ZNF586: variants seen among roughly 807,000 people sequenced by gnomAD.
ZNF586 encodes zinc finger protein 586.
In ZNF586, 7 loss-of-function variants were observed where a neutral mutation model predicts 6.7. That is an observed-to-expected ratio of 1.04 (90% CI 0.59 to 1.95). The LOEUF (loss-of-function observed/expected upper bound fraction) is 1.95. ZNF586 is among the 30% of genes most tolerant of loss of function. The pLI is 0.00. For missense variants in ZNF586, 442 were observed against 489.6 expected (o/e 0.90, Z 0.92); for synonymous variants, 166 against 168.7 (o/e 0.98, Z 0.12).
intron 2 of ZNF586, among the ~76,000 whole-genome samples, chr19:57,778,363 C>T (rs1048796115): frequency 1.3e-5 from 2 of 152,134 alleles, no homozygotes; most frequent in Non-Finnish European, 2.9e-5. Context: ...GCATGAGCCA[C>T]GGTTCTCGGC....
chr19:57,769,990 G>A (rs1204414449), intron 1 of ZNF586, 112 bp downstream of exon 1: 38 of 1,049,302 alleles, frequency 3.6e-5, no homozygotes, highest in South Asian at 5.4e-5. Flanking sequence ...TGTCAGGGAC[G>A]GAGAGGCGCC....
Position 57,776,553 on chromosome 19 carries a change from C to G in ZNF586, c.47C>G (p.Thr16Ser). 6.2e-7 allele frequency: 1 copy of G among 1,612,782 alleles called. No homozygotes were observed. Among genetic ancestry groups the G allele is most frequent in the Non-Finnish European group, 8.5e-7 (1 of 1,179,336 alleles). Residue 16 changes from threonine to serine, a missense_variant, in exon 2 of 3, where the codon ACC becomes AGC. Transcript: ENST00000396154. ...TCCCCATCATAACAGAGCAGTGTGACCTTTGAAGATGTGGCTGTAAACTTT... is the reference window on the plus strand; with the variant it reads ...TCCCCATCATAACAGAGCAGTGTGAGCTTTGAAGATGTGGCTGTAAACTTT... The part of the protein sequence containing the change: ...ALRAPAQSSV[T>S]FEDVAVNFSL...
intron 1 of ZNF586, 35 bp from the exon 2 acceptor site, chr19:57,776,508 G>A: frequency 6.3e-6 from 10 of 1,596,978 alleles, no homozygotes; most frequent in Non-Finnish European, 8.5e-6. Context: ...CAGCATAGGG[G>A]CCATTTGTGG....
In ZNF586 at chr19:57,779,214, TG is replaced by T. The variant is rs1445205057; in HGVS notation, c.628del (p.Glu210AsnfsTer44). 4 of 1,613,838 alleles carry T rather than the reference TG, an allele frequency of 2.5e-6. No homozygotes were observed. The African/African-American group carries it at 5.3e-5, about 22-fold the overall frequency. On this transcript the variant is annotated frameshift_variant, in exon 3 of 3. Coordinates refer to ENST00000396154, the MANE Select transcript of ZNF586 (RefSeq NM_017652.4). LOFTEE classifies it low-confidence loss of function (END_TRUNC). ...HSGAKRYECN[E>X]CGKSFAYTSS... ...CTGGAGCAAAGCGTTATGAATGCAA[TG>T]AATGTGGGAAGTCCTTTGCTTATAC...
In ZNF586 at chr19:57,774,833, C is replaced by T. The variant is rs1987187816; in HGVS notation, c.37-1710C>T. On this transcript the variant is annotated intron_variant, in intron 1 of 2. Transcript: ENST00000396154. The stretch of plus-strand genomic sequence containing the variant: ...AAGTTAAGGTCAGTATCATGTGCTA[C>T]CTTCATGTCTGGTGATACCAGTACT... The T allele has an allele frequency of 7.3e-6, 6 of 824,016 alleles. No individual in the cohort carries two copies. In the South Asian group the frequency reaches 2.2e-4, roughly 30 times the overall value. The allele number at this position is 824,016 out of a possible 1,614,324, so 51.0% of individuals were successfully genotyped here.
intron 1 of ZNF586, among the ~76,000 whole-genome samples, 161 bp downstream of exon 1, chr19:57,770,039 G>T (rs538751319): frequency 6.6e-6 from 1 of 152,202 alleles, no homozygotes; most frequent in Non-Finnish European, 1.5e-5. Flanking sequence ...CAGTTGATGC[G>T]GTCGGCAGAG....
chr19:57,778,364 G>A (rs1477011569), intron 2 of ZNF586, among the ~76,000 whole-genome samples: 1 of 152,074 alleles, frequency 6.6e-6, no homozygotes, highest in Non-Finnish European at 1.5e-5. Flanking sequence ...CATGAGCCAC[G>A]GTTCTCGGCC....
rs939681807 is a variant in ZNF586, at chr19:57,770,957, G to C, written c.36+1079G>C. On this transcript the variant is annotated intron_variant, in intron 1 of 2. Transcript: ENST00000396154. ...CCTCGACCTCTCCGGGCTCAGGAGA[G>C]CCTCTCATCTCAGTCTCCCGAGTAA... Among the ~76,000 whole-genome samples, 3 of 152,046 alleles carry C rather than the reference G, an allele frequency of 2.0e-5. No homozygotes were observed. The South Asian group carries it at 6.2e-4, about 31-fold the overall frequency.
chr19:57,773,997 C>T (rs532540761), intron 1 of ZNF586, among the ~76,000 whole-genome samples: 11 of 152,062 alleles, frequency 7.2e-5, no homozygotes, highest in African/African-American at 2.4e-4. Context: ...GGGCAGATCA[C>T]GTGAGGCCGG....
intron 1 of ZNF586, among the ~76,000 whole-genome samples, chr19:57,770,762 A>G (rs1219658950): frequency 1.3e-5 from 2 of 152,202 alleles, no homozygotes; most frequent in Non-Finnish European, 2.9e-5. Flanking sequence ...CCTCATGGCT[A>G]CAGAAGCACT....
intron 1 of ZNF586, among the ~76,000 whole-genome samples, chr19:57,775,422 G>A (rs530752970): frequency 2.6e-5 from 4 of 152,248 alleles, no homozygotes; most frequent in South Asian, 4.1e-4. Context: ...TGGAACCCAG[G>A]AAGTTCAGGC....
Position 57,769,762 on chromosome 19 carries a change from C to T in ZNF586, c.-81C>T. 2 of 1,437,466 alleles carry T rather than the reference C, an allele frequency of 1.4e-6. No individual in the cohort carries two copies. Among genetic ancestry groups the T allele is most frequent in the South Asian group, 1.2e-5 (1 of 82,192 alleles). The allele number at this position is 1,437,466 out of a possible 1,614,324, so 89.0% of individuals were successfully genotyped here. On this transcript the variant is annotated 5_prime_UTR_variant, in exon 1 of 3. Transcript: ENST00000396154. Reference sequence around the variant, plus strand: ...ATTGCACACAGGCGGATCTGAGGTTCGGCGACGCCGCTGGTCGCGACCCGG... The same window carrying T: ...ATTGCACACAGGCGGATCTGAGGTTTGGCGACGCCGCTGGTCGCGACCCGG...
intron 1 of ZNF586, chr19:57,774,894 C>T (rs1437762079): frequency 3.9e-6 from 1 of 258,246 alleles, no homozygotes; most frequent in Admixed American, 6.5e-5. Flanking sequence ...TCCCTCCCCA[C>T]TCTGCTCTTT....
rs767378624 is a variant in ZNF586, at chr19:57,769,822, G to GT, written c.-19dup. On this transcript the variant is annotated 5_prime_UTR_variant, in exon 1 of 3. Coordinates refer to ENST00000396154, the MANE Select transcript of ZNF586 (RefSeq NM_017652.4). Reference sequence around the variant, plus strand: ...ACGACAGGAACACCGCCGAGCCCGCGTTCCCCCCCCGCCCAGAGTCATGGC... The same window carrying GT: ...ACGACAGGAACACCGCCGAGCCCGCGTTTCCCCCCCCGCCCAGAGTCATGGC... 2.6e-4 allele frequency: 397 copies of GT among 1,524,624 alleles called. No individual in the cohort carries two copies. The highest frequency in any genetic ancestry group is 3.3e-4 in the Non-Finnish European group (371 of 1,135,788). The allele number at this position is 1,524,624 out of a possible 1,614,324, so 94.4% of individuals were successfully genotyped here. A position where few individuals can be genotyped will look rare whatever the true frequency, so the allele number is the denominator to read the frequency against.
intron 2 of ZNF586, among the ~76,000 whole-genome samples, chr19:57,777,833 G>A (rs1987272383): frequency 7.7e-6 from 1 of 129,240 alleles, no homozygotes; most frequent in Non-Finnish European, 1.5e-5. Flanking sequence ...TCGGCTCACT[G>A]CAACCTCCGC....
chr19:57,770,006 G>T, intron 1 of ZNF586, 128 bp downstream of exon 1: 2 of 902,410 alleles, frequency 2.2e-6, no homozygotes, highest in Non-Finnish European at 1.6e-6. Context: ...GCGCCGGCGG[G>T]TGGGATCCCT....
rs993565997 is a variant in ZNF586 at position 57,778,934 on chromosome 19, G to A, written c.347G>A (p.Arg116His). Residue 116 changes from arginine (R) to histidine (H), a missense_variant, in exon 3 of 3, where the codon CGC (arginine) becomes CAC (histidine). By Grantham distance (29) the Arg-to-His change is conservative. Coordinates refer to ENST00000396154, the MANE Select transcript of ZNF586 (RefSeq NM_017652.4). Reference sequence around the variant, plus strand: ...AGAGATCACAAACACAGGAATGTTCGCACTGGAGAAAGGCCTTATGAGTGC... The same window carrying A: ...AGAGATCACAAACACAGGAATGTTCACACTGGAGAAAGGCCTTATGAGTGC... ...PRRDHKHRNV[R>H]TGERPYECSK... is the part of the protein sequence containing the mutation. 1.2e-5 allele frequency: 19 copies of A among 1,613,898 alleles called. No individual in the cohort carries two copies. The highest frequency in any genetic ancestry group is 1.6e-4 in the Middle Eastern group (1 of 6,084).
In ZNF586 at chr19:57,769,885, G is replaced by T; in HGVS notation, c.36+7G>T. 3.9e-6 allele frequency: 6 copies of T among 1,539,012 alleles called. No individual in the cohort carries two copies. Among genetic ancestry groups the T allele is most frequent in the Non-Finnish European group, 4.4e-6 (5 of 1,142,054 alleles). ...TCTGAGGGCGCCTGCTCAGGTGAGCGCTGCGACCTCCGGGCCTTACCCACC... is the reference window on the plus strand; with the variant it reads ...TCTGAGGGCGCCTGCTCAGGTGAGCTCTGCGACCTCCGGGCCTTACCCACC... On this transcript the variant is annotated splice_region_variant and intron_variant, in intron 1 of 2. Coordinates refer to ENST00000396154, the MANE Select transcript of ZNF586 (RefSeq NM_017652.4).
Position 57,774,701 on chromosome 19 carries a change from T to C in ZNF586, c.37-1842T>C, listed in dbSNP as rs112494984. 1.6e-4 allele frequency: 152 copies of C among 976,742 alleles called. No homozygotes were observed. The African/African-American group carries it at 2.6e-3, about 16-fold the overall frequency. 60.5% of individuals were successfully genotyped at this position (976,742 alleles called of 1,614,324 possible). On this transcript the variant is annotated intron_variant, in intron 1 of 2. Coordinates refer to ENST00000396154, the MANE Select transcript of ZNF586 (RefSeq NM_017652.4). ...GGAGGGCGTCAGAATGATTTGGGGC[T>C]ACCATTGCTATTGAGAAACATTGGA...
Sources: gnomAD v4.1 joint callset for allele counts (sites outside exome capture counted in the v4.1 genomes callset) on GRCh38, gnomAD v4.1.1 for gene constraint, MANE v1.5 for transcripts, NCBI Gene and HGNC (gene_info 2026-07-23, HGNC 2026-07-21) for gene names.